The following NCKAP5 variants were observed in gnomAD, a reference collection of about 807,000 sequenced individuals.
NCKAP5 encodes the protein NCK associated protein 5.
In NCKAP5, 92 loss-of-function variants were observed where a neutral mutation model predicts 167.0. That is an observed-to-expected ratio of 0.55 (90% CI 0.47 to 0.66). The LOEUF (loss-of-function observed/expected upper bound fraction) is 0.66, where lower values mean the gene tolerates loss of function less well. NCKAP5 is among the 30% of genes least tolerant of loss of function. The pLI is 0.00. For synonymous variants in NCKAP5, 891 were observed against 877.4 expected, an observed-to-expected ratio of 1.02 and a Z score of -0.27; for missense variants, 2,378 against 2,315.0, an observed-to-expected ratio of 1.03 and a Z score of -0.56.
At chr2:133,278,611 T>C (rs1474101629) in intron 4 of NCKAP5, among the ~76,000 whole-genome samples, 2 of 152,084 alleles carry the variant, frequency 1.3e-5, no homozygotes, top group African/African-American at 2.4e-5. Flanking sequence ...ATTCTAAGCA[T>C]TCTGATATGT....
intron 3 of NCKAP5, among the ~76,000 whole-genome samples, chr2:133,309,819 T>G (rs1449181869): frequency 6.6e-6 from 1 of 152,216 alleles, no homozygotes; most frequent in African/African-American, 2.4e-5. Context: ...ATCTTAAGTA[T>G]CATTCATATT....
At chr2:133,089,798 G>C (rs2081113524) in intron 6 of NCKAP5, among the ~76,000 whole-genome samples, 1 of 152,142 alleles carries the variant, frequency 6.6e-6, no homozygotes, top group Admixed American at 6.6e-5. Context: ...CATATTAAAA[G>C]ATCATAACAC....
intron 3 of NCKAP5, among the ~76,000 whole-genome samples, chr2:133,360,182 A>G (rs952470680): frequency 3.9e-5 from 6 of 152,194 alleles, no homozygotes; most frequent in Non-Finnish European, 7.4e-5. Context: ...AGAGAGAAAC[A>G]TTCCCAATTC....
At chr2:132,948,813 G>C (rs1310737315) in intron 8 of NCKAP5, among the ~76,000 whole-genome samples, 1 of 152,104 alleles carries the variant, frequency 6.6e-6, no homozygotes, top group African/African-American at 2.4e-5. Context: ...CACTTTGGCA[G>C]GTAGGTAGCA....
chr2:133,010,819 A>C (rs2078133118), intron 6 of NCKAP5, among the ~76,000 whole-genome samples: 1 of 152,228 alleles, frequency 6.6e-6, no homozygotes, highest in South Asian at 2.1e-4. Context: ...TTGGAAATAC[A>C]TTAACTTTAG....
chr2:133,101,549 T>G (rs1401550633), intron 6 of NCKAP5, among the ~76,000 whole-genome samples: 1 of 150,920 alleles, frequency 6.6e-6, no homozygotes, highest in Non-Finnish European at 1.5e-5. Context: ...GGAATGTTCT[T>G]CCATTTGTTT....
intron 19 of NCKAP5, among the ~76,000 whole-genome samples, chr2:132,698,223 T>C (rs1227705161): frequency 6.6e-6 from 1 of 152,206 alleles, no homozygotes; most frequent in Non-Finnish European, 1.5e-5. Context: ...GACCCCATCA[T>C]GCACAGACAC....
chr2:133,213,431 T>C (rs575318389), intron 5 of NCKAP5, among the ~76,000 whole-genome samples: 3 of 152,314 alleles, frequency 2.0e-5, no homozygotes, highest in South Asian at 4.1e-4. Flanking sequence ...TTTGTGGACA[T>C]TGTGCCCACT....
intron 4 of NCKAP5, among the ~76,000 whole-genome samples, chr2:133,296,735 G>A (rs1194329196): frequency 6.6e-6 from 1 of 152,166 alleles, no homozygotes; most frequent in Non-Finnish European, 1.5e-5. Context: ...TTTCAGAGAT[G>A]TTATTTAGCA....
At chr2:132,703,643 G>A (rs1688085733) in intron 19 of NCKAP5, among the ~76,000 whole-genome samples, 1 of 152,134 alleles carries the variant, frequency 6.6e-6, no homozygotes, top group Non-Finnish European at 1.5e-5. Flanking sequence ...AGTGCACAGA[G>A]GAGAGCATTG....
At chr2:132,772,407 C>G (rs1343874417) in intron 16 of NCKAP5, among the ~76,000 whole-genome samples, 1 of 152,136 alleles carries the variant, frequency 6.6e-6, no homozygotes, top group Non-Finnish European at 1.5e-5. Flanking sequence ...TCAAGCAGCA[C>G]AGATACAAAG....
chr2:133,083,627 G>A (rs2080885783), intron 6 of NCKAP5, among the ~76,000 whole-genome samples: 1 of 152,132 alleles, frequency 6.6e-6, no homozygotes, highest in Non-Finnish European at 1.5e-5. Context: ...TCAGGGTGGT[G>A]GTAGGTGCTG....
intron 4 of NCKAP5, among the ~76,000 whole-genome samples, chr2:133,300,124 T>A (rs1440136510): frequency 3.1e-5 from 4 of 128,158 alleles, no homozygotes; most frequent in South Asian, 2.8e-4. Context: ...TCTGAAATTG[T>A]GGCAATAATC....
chr2:133,067,679 T>A (rs561270764), intron 6 of NCKAP5, among the ~76,000 whole-genome samples: 49 of 152,180 alleles, frequency 3.2e-4, no homozygotes, highest in Non-Finnish European at 6.3e-4. Context: ...AGCCACAGCA[T>A]AGCATGATCA....
At chr2:132,832,910 T>C (rs1558834719) in intron 11 of NCKAP5, among the ~76,000 whole-genome samples, 1 of 152,154 alleles carries the variant, frequency 6.6e-6, no homozygotes, top group Non-Finnish European at 1.5e-5. Context: ...GATCAAATGA[T>C]AGCTTTATGG....
chr2:133,339,062 A>G (rs1447576544), intron 3 of NCKAP5, among the ~76,000 whole-genome samples: 1 of 152,118 alleles, frequency 6.6e-6, no homozygotes, highest in Non-Finnish European at 1.5e-5. Context: ...TCACTTTCCC[A>G]TTTCTATGAT....
chr2:133,048,064 G>A (rs2079465128), intron 6 of NCKAP5, among the ~76,000 whole-genome samples: 2 of 152,192 alleles, frequency 1.3e-5, no homozygotes, highest in Non-Finnish European at 2.9e-5. Flanking sequence ...ATGAGATGAT[G>A]TGGTCTGCAT....
intron 12 of NCKAP5, among the ~76,000 whole-genome samples, chr2:132,794,223 CATATATATATATATATAT>C (rs1166750939): frequency 5.7e-4 from 12 of 21,176 alleles, no homozygotes; most frequent in East Asian, 1.8e-3. Context: ...AATGTTTATA[CATATATATATATATATAT>C]ATATATATAT....
the NCKAP5 span, among the ~76,000 whole-genome samples, chr2:133,609,677 C>A: frequency 6.6e-6 from 1 of 152,114 alleles, no homozygotes; most frequent in Non-Finnish European, 1.5e-5. Context: ...AGGATCATCT[C>A]CACCAAATGG....
Sources: allele counts gnomAD v4.1 joint callset (sites outside exome capture counted in the v4.1 genomes callset), GRCh38; gene constraint gnomAD v4.1.1; transcripts MANE v1.5; gene names NCBI Gene and HGNC (gene_info 2026-07-23, HGNC 2026-07-21).